The following VDAC1 variants were observed in gnomAD, a reference collection of about 807,000 sequenced individuals.
VDAC1 encodes the protein voltage dependent anion channel 1.
In VDAC1, 10 loss-of-function variants were observed where a neutral mutation model predicts 34.7. The ratio of observed to expected loss-of-function variants is 0.29; its 90% confidence interval spans 0.18 to 0.49. The LOEUF is 0.49. Ranked by LOEUF, VDAC1 falls within the 20% of genes least tolerant of loss-of-function variation. VDAC1 has a pLI of 0.99. For synonymous variants in VDAC1, 130 were observed against 136.0 expected, an observed-to-expected ratio of 0.96 and a Z score of 0.30; for missense variants, 230 against 347.9, an observed-to-expected ratio of 0.66 and a Z score of 2.69.
chr5:134,024,962 G>A, the VDAC1 span, among the ~76,000 whole-genome samples: 56 of 152,350 alleles, frequency 3.7e-4, no homozygotes, highest in Middle Eastern at 3.4e-3. Flanking sequence ...CAAGCTCCCA[G>A]CTGAAGGCAG....
the VDAC1 span, among the ~76,000 whole-genome samples, chr5:134,016,868 C>T: frequency 5.9e-5 from 9 of 152,160 alleles, no homozygotes; most frequent in South Asian, 4.1e-4. Flanking sequence ...GGGATGTGTA[C>T]GGCTGAGACC....
chr5:134,025,823 T>C, the VDAC1 span, among the ~76,000 whole-genome samples: 1 of 152,088 alleles, frequency 6.6e-6, no homozygotes, highest in Non-Finnish European at 1.5e-5. Flanking sequence ...CTTGAACTCC[T>C]GGCCTCAAGC....
the VDAC1 span, among the ~76,000 whole-genome samples, chr5:134,021,165 CG>C: frequency 6.6e-6 from 1 of 150,892 alleles, no homozygotes; most frequent in Non-Finnish European, 1.5e-5. Context: ...CTCCAGCCTG[CG>C]TGACAGAATG....
the VDAC1 span, among the ~76,000 whole-genome samples, chr5:134,025,605 T>G: frequency 6.7e-6 from 1 of 148,554 alleles, no homozygotes; most frequent in South Asian, 2.2e-4. Flanking sequence ...ATTTATTTAT[T>G]TTTATTTGAG....
At chr5:134,101,889 G>A in the VDAC1 span, among the ~76,000 whole-genome samples, 2 of 152,184 alleles carry the variant, frequency 1.3e-5, no homozygotes, top group Admixed American at 1.3e-4. Flanking sequence ...ATTAGGCCCC[G>A]TGTTAGAGAC....
At chr5:134,089,190 A>G in the VDAC1 span, among the ~76,000 whole-genome samples, 1 of 152,210 alleles carries the variant, frequency 6.6e-6, no homozygotes, top group East Asian at 1.9e-4. Context: ...AGTGCTCCCA[A>G]CCGTCTCTGC....
At chr5:133,998,072 CAA>C (rs200915111) in intron 1 of VDAC1, among the ~76,000 whole-genome samples, 14 of 99,750 alleles carry the variant, frequency 1.4e-4, no homozygotes, top group South Asian at 3.1e-4. Flanking sequence ...CGTCTCGAAA[CAA>C]AAAAAAAAAA....
At chr5:134,007,719 G>A (rs1460835184), upstream of VDAC1, among the ~76,000 whole-genome samples, 1 of 152,176 alleles carries the variant, frequency 6.6e-6, no homozygotes, top group Non-Finnish European at 1.5e-5. Flanking sequence ...ACCTGGGTCT[G>A]GCATCCCTGT....
intron 5 of VDAC1, among the ~76,000 whole-genome samples, chr5:133,985,331 G>A (rs1752866103): frequency 6.6e-6 from 1 of 152,124 alleles, no homozygotes; most frequent in South Asian, 2.1e-4. Context: ...AAGGTTTGAA[G>A]GAAAGGAGTA....
chr5:134,014,484 G>A, the VDAC1 span, among the ~76,000 whole-genome samples: 12 of 152,172 alleles, frequency 7.9e-5, no homozygotes, highest in Non-Finnish European at 1.0e-4. Context: ...ATACACTGCT[G>A]GTGGGAATGT....
At chr5:134,082,536 G>T in the VDAC1 span, among the ~76,000 whole-genome samples, 2 of 152,302 alleles carry the variant, frequency 1.3e-5, no homozygotes, top group South Asian at 4.1e-4. Flanking sequence ...AAACATTTGT[G>T]TAGAAATCTT....
At chr5:133,973,741 C>G in intron 8 of VDAC1, 50 bp downstream of exon 8, 1 of 1,578,598 alleles carries the variant, frequency 6.3e-7, no homozygotes, top group Middle Eastern at 2.3e-4. Context: ...AAACCAGCAC[C>G]ACAATTTTTT....
chr5:134,047,507 C>T, the VDAC1 span, among the ~76,000 whole-genome samples: 1 of 152,234 alleles, frequency 6.6e-6, no homozygotes, highest in African/African-American at 2.4e-5. Flanking sequence ...TGTCCAACTC[C>T]AGACCCCAGG....
the VDAC1 span, among the ~76,000 whole-genome samples, chr5:134,088,157 AAAAACAAAAC>A: frequency 1.4e-4 from 21 of 152,218 alleles, no homozygotes; most frequent in East Asian, 3.9e-4. Context: ...CCCTGTCTCA[AAAAACAAAAC>A]AAAACAAAAC....
At chr5:134,054,445 T>C in the VDAC1 span, among the ~76,000 whole-genome samples, 62 of 145,578 alleles carry the variant, frequency 4.3e-4, no homozygotes, top group Admixed American at 7.4e-4. Context: ...TTCCTTTCTT[T>C]CTTCCTTCCT....
chr5:133,992,921 G>A, intron 2 of VDAC1, 25 bp downstream of exon 2: 2 of 1,605,848 alleles, frequency 1.2e-6, no homozygotes, highest in South Asian at 2.2e-5. Context: ...TGAGCTGAAA[G>A]GCACCCCCTC....
chr5:133,997,449 G>T (rs955847736), intron 1 of VDAC1, among the ~76,000 whole-genome samples: 1 of 151,890 alleles, frequency 6.6e-6, no homozygotes, highest in Non-Finnish European at 1.5e-5. Context: ...TGTAATCCCA[G>T]CACTTTGGGA....
chr5:134,080,027 A>G, the VDAC1 span, among the ~76,000 whole-genome samples: 5 of 152,222 alleles, frequency 3.3e-5, no homozygotes, highest in Non-Finnish European at 5.9e-5. Flanking sequence ...AGTGGCTTTC[A>G]AGCATTTGCT....
chr5:133,978,114 A>C (rs770067883), intron 6 of VDAC1, among the ~76,000 whole-genome samples: 46 of 151,344 alleles, frequency 3.0e-4, no homozygotes, highest in Non-Finnish European at 6.5e-4. Flanking sequence ...AAGAACAAAA[A>C]CTCTAGTCTT....
Sources: gnomAD v4.1 joint callset for allele counts (sites outside exome capture counted in the v4.1 genomes callset) on GRCh38, gnomAD v4.1.1 for gene constraint, MANE v1.5 for transcripts, NCBI Gene and HGNC (gene_info 2026-07-23, HGNC 2026-07-21) for gene names.